The following NKD1 variants were observed in gnomAD, a reference collection of about 807,000 sequenced individuals.
The protein encoded by NKD1 is NKD inhibitor of Wnt signaling pathway 1, also known as protein naked cuticle homolog 1.
In NKD1, 21 loss-of-function variants were observed where a neutral mutation model predicts 56.0. The ratio of observed to expected loss-of-function variants is 0.38; its 90% confidence interval spans 0.27 to 0.54. The LOEUF (loss-of-function observed/expected upper bound fraction) is 0.54. Among genes scored for constraint, NKD1 ranks in the 20% least tolerant of loss-of-function variants. The probability of loss-of-function intolerance (pLI) is 0.82; values close to 1 mark genes in which losing one functional copy is unlikely to be tolerated. For synonymous variants in NKD1, 263 were observed against 265.7 expected, an observed-to-expected ratio of 0.99 and a Z score of 0.10; for missense variants, 578 against 642.7, an observed-to-expected ratio of 0.90 and a Z score of 1.09.
Position 50,622,621 on chromosome 16 carries a change from C to T in NKD1, c.366+913C>T, listed in dbSNP as rs373461100. Among the ~76,000 whole-genome samples the T allele has an allele frequency of 1.8e-4, 28 of 152,304 alleles. No individual in the cohort carries two copies. The South Asian group carries it at 5.8e-3, about 32-fold the overall frequency. ...GGCAAGTTCCCTAAAGTCTCAGTGG[C>T]CTCACGTGCCTCGCCTGTAAGGTGG... On this transcript the variant is annotated intron_variant, in intron 5 of 9. Coordinates refer to ENST00000268459, the MANE Select transcript of NKD1 (RefSeq NM_033119.5).
At chr16:50,581,874 G>A (rs1377770055) in intron 3 of NKD1, among the ~76,000 whole-genome samples, 1 of 152,200 alleles carries the variant, frequency 6.6e-6, no homozygotes, top group Non-Finnish European at 1.5e-5. Context: ...TTTGGAAAGG[G>A]CAGGGTGGTT....
In NKD1 at chr16:50,636,066, A is replaced by G. The variant is rs1466982589; in HGVS notation, c.*2285A>G. 6.6e-6 allele frequency: 1 copy of G among 152,218 alleles called. No individual in the cohort carries two copies. Among genetic ancestry groups the G allele is most frequent in the Non-Finnish European group, 1.5e-5 (1 of 68,046 alleles). The allele number at this position is 152,218 out of a possible 1,614,324, so 9.4% of individuals were successfully genotyped here. ...AAGAAAAAGGACCTTCCGTTAGTGT[A>G]AAGCCCAAGGCAGGATTCTGCTTGG... On this transcript the variant is annotated 3_prime_UTR_variant, in exon 10 of 10. Coordinates refer to ENST00000268459, the MANE Select transcript of NKD1 (RefSeq NM_033119.5).
At chr16:50,593,379 C>T (rs1387311473) in intron 3 of NKD1, among the ~76,000 whole-genome samples, 1 of 152,164 alleles carries the variant, frequency 6.6e-6, no homozygotes, top group Non-Finnish European at 1.5e-5. Flanking sequence ...GTCAGGACCC[C>T]TTTTGCATCC....
chr16:50,581,243 G>A (rs1401453433), intron 3 of NKD1, among the ~76,000 whole-genome samples: 2 of 152,180 alleles, frequency 1.3e-5, no homozygotes, highest in African/African-American at 2.4e-5. Flanking sequence ...CAAAATTAGT[G>A]TTGTGAAACA....
intron 4 of NKD1, among the ~76,000 whole-genome samples, chr16:50,609,887 A>G (rs1325703617): frequency 6.6e-6 from 1 of 152,256 alleles, no homozygotes; most frequent in Non-Finnish European, 1.5e-5. Flanking sequence ...TATGTGAAAA[A>G]AAGGCACCAG....
At chr16:50,589,504 A>G (rs1961301450) in intron 3 of NKD1, among the ~76,000 whole-genome samples, 1 of 152,090 alleles carries the variant, frequency 6.6e-6, no homozygotes, top group Non-Finnish European at 1.5e-5. Context: ...AGCCCACTCT[A>G]GTCAGCCTGG....
At chr16:50,600,701 G>A (rs1961576571) in intron 3 of NKD1, among the ~76,000 whole-genome samples, 1 of 152,184 alleles carries the variant, frequency 6.6e-6, no homozygotes, top group Non-Finnish European at 1.5e-5. Context: ...TGGTGACTGA[G>A]GCTGGCTGAG....
chr16:50,582,418 G>C (rs1262963510), intron 3 of NKD1, among the ~76,000 whole-genome samples: 1 of 152,146 alleles, frequency 6.6e-6, no homozygotes, highest in Non-Finnish European at 1.5e-5. Flanking sequence ...CCCATTTTTA[G>C]ACTGAGGTAT....
chr16:50,580,865 C>G (rs2151269139), intron 3 of NKD1, among the ~76,000 whole-genome samples: 1 of 152,304 alleles, frequency 6.6e-6, no homozygotes, highest in East Asian at 1.9e-4. Context: ...TCATTTTTCT[C>G]TCTGTTTTTT....
chr16:50,558,796 C>T (rs997283020), intron 3 of NKD1: 3 of 151,322 alleles, frequency 2.0e-5, no homozygotes, highest in Non-Finnish European at 4.4e-5. Context: ...GTAATCCCAG[C>T]TACTTGGGAG....
chr16:50,562,761 G>C (rs569157800), intron 3 of NKD1, among the ~76,000 whole-genome samples: 10 of 152,184 alleles, frequency 6.6e-5, no homozygotes, highest in East Asian at 5.8e-4. Flanking sequence ...GAGGGATGAG[G>C]GGGGAGGAGG....
chr16:50,596,535 G>A (rs998023526), intron 3 of NKD1, among the ~76,000 whole-genome samples: 42 of 152,308 alleles, frequency 2.8e-4, no homozygotes, highest in African/African-American at 8.7e-4. Context: ...CTACTACAGC[G>A]CGTGGAAACA....
intron 4 of NKD1, among the ~76,000 whole-genome samples, chr16:50,618,372 A>G (rs1434926531): frequency 1.3e-5 from 2 of 152,096 alleles, no homozygotes; most frequent in African/African-American, 4.8e-5. Context: ...CATCATTGCA[A>G]TCCCCCTTGG....
intron 3 of NKD1, among the ~76,000 whole-genome samples, chr16:50,605,211 C>T (rs1567346591): frequency 1.3e-5 from 2 of 152,184 alleles, no homozygotes; most frequent in African/African-American, 2.4e-5. Context: ...CAGAGTCTCC[C>T]GTGAAGATCC....
chr16:50,583,802 C>T (rs1961169585), intron 3 of NKD1, among the ~76,000 whole-genome samples: 1 of 152,068 alleles, frequency 6.6e-6, no homozygotes, highest in Non-Finnish European at 1.5e-5. Flanking sequence ...TGTGATGGAG[C>T]GAGTAGAGTT....
chr16:50,646,533 CG>C lies in NKD1; in HGVS notation c.*12755del, dbSNP rs968606336. The C allele has an allele frequency of 6.6e-6, 1 of 152,200 alleles. No individual in the cohort carries two copies. The highest frequency in any genetic ancestry group is 2.4e-5 in the African/African-American group (1 of 41,432). 9.4% of individuals were successfully genotyped at this position (152,200 alleles called of 1,614,324 possible). On this transcript the variant is annotated 3_prime_UTR_variant, in exon 10 of 10. Transcript: ENST00000268459. Reference sequence around the variant, plus strand: ...GGTGCTGGGAGGCAGGGACTGGGGCCGGGCGGGTCCACCCAGGCTGTGGGTC... The same window carrying C: ...GGTGCTGGGAGGCAGGGACTGGGGCCGGCGGGTCCACCCAGGCTGTGGGTC...
Position 50,637,609 on chromosome 16 carries a change from G to A in NKD1, c.*3828G>A, listed in dbSNP as rs916335814. 2 of 152,176 alleles carry A rather than the reference G, an allele frequency of 1.3e-5. No individual in the cohort carries two copies. The highest frequency in any genetic ancestry group is 6.6e-5 in the Admixed American group (1 of 15,256). The allele number at this position is 152,176 out of a possible 1,614,324, so 9.4% of individuals were successfully genotyped here. On this transcript the variant is annotated 3_prime_UTR_variant, in exon 10 of 10. Transcript: ENST00000268459. Reference sequence around the variant, plus strand: ...TATACTGAATAATGAGGAATCAAAGGAAGAAGAAGAAAGAGAGAGGAAGGA... The same window carrying A: ...TATACTGAATAATGAGGAATCAAAGAAAGAAGAAGAAAGAGAGAGGAAGGA...
intron 3 of NKD1, among the ~76,000 whole-genome samples, chr16:50,565,745 A>C (rs112960100): frequency 2.0e-3 from 302 of 152,352 alleles, no homozygotes; most frequent in African/African-American, 6.7e-3. Context: ...CTTTTAACTT[A>C]AGATTCATGT....
At position 50,628,464 on chromosome 16, in the gene NKD1, TG is replaced by T. The variant is rs564520685; in HGVS notation, c.463-1718del. On this transcript the variant is annotated intron_variant, in intron 6 of 9. Transcript: ENST00000268459. ...TGCTGGGCAGGTAACTGACCATGGA[TG>T]GGGTTGCTTCATAGAGAAAAAATGT... Among the ~76,000 whole-genome samples the T allele has an allele frequency of 2.7e-3, 414 of 152,270 alleles. 2 individuals carry two copies. The highest frequency in any genetic ancestry group is 3.6e-3 in the Non-Finnish European group (248 of 68,006).
Sources: allele counts gnomAD v4.1 joint callset (sites outside exome capture counted in the v4.1 genomes callset), GRCh38; gene constraint gnomAD v4.1.1; transcripts MANE v1.5; gene names NCBI Gene and HGNC (gene_info 2026-07-23, HGNC 2026-07-21).